Variants in MARCHF10 observed in about 807,000 individuals in gnomAD.
MARCHF10 encodes membrane associated ring-CH-type finger 10, also known as probable E3 ubiquitin-protein ligase MARCHF10.
MARCHF10 carries 64 observed loss-of-function variants against 76.2 expected under a neutral mutation model. That is an observed-to-expected ratio of 0.84 (90% CI 0.69 to 1.03). The LOEUF is 1.03. MARCHF10 is among the 50% of genes least tolerant of loss of function. MARCHF10 has a pLI of 0.00. For synonymous variants in MARCHF10, 340 were observed against 357.5 expected, an observed-to-expected ratio of 0.95 and a Z score of 0.55; for missense variants, 875 against 958.0, an observed-to-expected ratio of 0.91 and a Z score of 1.14.
chr17:62,743,027 C>G (rs2147854241), intron 5 of MARCHF10, among the ~76,000 whole-genome samples: 1 of 152,290 alleles, frequency 6.6e-6, no homozygotes, highest in Admixed American at 6.5e-5. Flanking sequence ...TGGACTTATT[C>G]TGTGCTGGGT....
chr17:62,763,814 T>C (rs1222345226), intron 3 of MARCHF10, among the ~76,000 whole-genome samples: 213 of 152,352 alleles, frequency 1.4e-3, no homozygotes, highest in Non-Finnish European at 1.0e-4. Context: ...CAAAGCCATG[T>C]TAACTAAAAT....
intron 10 of MARCHF10, among the ~76,000 whole-genome samples, chr17:62,703,676 G>A (rs1394307096): frequency 6.6e-6 from 1 of 152,222 alleles, no homozygotes; most frequent in Non-Finnish European, 1.5e-5. Context: ...ATCCTCCAGC[G>A]GGTCCCAGTT....
chr17:62,778,781 G>A (rs1366737541), intron 3 of MARCHF10, among the ~76,000 whole-genome samples: 2 of 152,040 alleles, frequency 1.3e-5, no homozygotes, highest in East Asian at 3.9e-4. Flanking sequence ...GAGACAGTCA[G>A]GTTTCAGTGT....
chr17:62,704,709 G>A (rs527473481), intron 10 of MARCHF10, among the ~76,000 whole-genome samples: 1 of 152,378 alleles, frequency 6.6e-6, no homozygotes, highest in Non-Finnish European at 1.5e-5. Context: ...GCGGGGCCCA[G>A]GAAACCGAGT....
intron 3 of MARCHF10, among the ~76,000 whole-genome samples, chr17:62,762,704 C>A (rs1175348328): frequency 6.6e-6 from 1 of 152,186 alleles, no homozygotes; most frequent in Non-Finnish European, 1.5e-5. Flanking sequence ...ACGCACCATG[C>A]CTGGCTAATT....
At chr17:62,725,212 A>T in intron 6 of MARCHF10, 108 bp from the exon 7 acceptor site, 1 of 964,814 alleles carries the variant, frequency 1.0e-6, no homozygotes, top group Non-Finnish European at 1.5e-6. Context: ...CCTGGTACTC[A>T]CCCGCTGCCC....
Position 62,711,419 on chromosome 17 carries a change from A to G in MARCHF10, c.2215-75T>C. On this transcript the variant is annotated intron_variant, in intron 8 of 10. Transcript: ENST00000311269. This position sits in a 1 kb window ranked among gnomAD's most constrained non-coding sequence, Gnocchi z 4.4. ...TCTAAATTGTGGGATGCAGGGTAAC[A>G]AGGCTAAGAGGTGACAAGAACTGGG... 1 of 1,403,134 alleles carries G rather than the reference A, an allele frequency of 7.1e-7. No individual in the cohort carries two copies. Among genetic ancestry groups the G allele is most frequent in the Non-Finnish European group, 1.0e-6 (1 of 1,001,830 alleles). 86.9% of individuals were successfully genotyped at this position (1,403,134 alleles called of 1,614,324 possible).
In MARCHF10 at chr17:62,724,937, C is replaced by T. The variant is rs139886504; in HGVS notation, c.2104+1G>A. The T allele has an allele frequency of 6.2e-7, 1 of 1,611,438 alleles. No homozygotes were observed. The highest frequency in any genetic ancestry group is 1.3e-5 in the African/African-American group (1 of 74,840). On this transcript the variant is annotated splice_donor_variant, in intron 7 of 10. Coordinates refer to ENST00000311269, the MANE Select transcript of MARCHF10 (RefSeq NM_152598.4). LOFTEE classifies it high-confidence loss of function. Reference sequence around the variant, plus strand: ...TTCACTGCACTTCCTTCCCCACCTACCTGATGTTATTTTCACTTTCAGCCA... The same window carrying T: ...TTCACTGCACTTCCTTCCCCACCTATCTGATGTTATTTTCACTTTCAGCCA...
chr17:62,719,226 G>C (rs1456401541), intron 8 of MARCHF10, among the ~76,000 whole-genome samples: 1 of 152,102 alleles, frequency 6.6e-6, no homozygotes, highest in African/African-American at 2.4e-5. Flanking sequence ...CATTAAAGAA[G>C]TAAAAAGAAA....
chr17:62,772,037 A>G (rs2092458239), intron 3 of MARCHF10, among the ~76,000 whole-genome samples: 1 of 152,200 alleles, frequency 6.6e-6, no homozygotes. Context: ...TGAAATGGAA[A>G]GGACTTGGTG....
intron 2 of MARCHF10, among the ~76,000 whole-genome samples, chr17:62,792,409 A>C (rs73335787): frequency 0.02 from 3,051 of 152,120 alleles, 107 homozygotes; most frequent in African/African-American, 0.069. Context: ...AACATCAACA[A>C]GGCATACAGT....
intron 8 of MARCHF10, among the ~76,000 whole-genome samples, chr17:62,718,196 G>A (rs117921557): frequency 0.028 from 4,194 of 152,306 alleles, 77 homozygotes; most frequent in Non-Finnish European, 0.043. Flanking sequence ...AGAGAACTGA[G>A]GTGCAGAGAA....
intron 6 of MARCHF10, among the ~76,000 whole-genome samples, chr17:62,732,860 G>T (rs970463099): frequency 2.6e-5 from 4 of 151,742 alleles, no homozygotes; most frequent in South Asian, 4.2e-4. Flanking sequence ...GGGCGTGGTG[G>T]TGCACGCCTG....
chr17:62,701,894 G>A, intron 10 of MARCHF10, 136 bp from the exon 11 acceptor site: 1 of 1,148,876 alleles, frequency 8.7e-7, no homozygotes, highest in Non-Finnish European at 1.3e-6. Flanking sequence ...ACAGTGCCTG[G>A]AACCGTGTGG....
chr17:62,784,222 A>G (rs1201729502), intron 3 of MARCHF10, among the ~76,000 whole-genome samples: 1 of 152,162 alleles, frequency 6.6e-6, no homozygotes, highest in African/African-American at 2.4e-5. Context: ...GGTTCAACAT[A>G]GCAAATCAAT....
rs567763411 is a variant in MARCHF10, at chr17:62,702,646, A to G, written c.2372-888T>C. On this transcript the variant is annotated intron_variant, in intron 10 of 10. Transcript: ENST00000311269. ...GTGCCACTGCACTTCAGCCTGGGTG[A>G]CAGAGCGAGACTCCATCTCAAAAAG... 2.5e-3 allele frequency among the ~76,000 whole-genome samples: 387 copies of G among 152,284 alleles called. 3 individuals are homozygous for G. Among genetic ancestry groups the G allele is most frequent in the Middle Eastern group, 0.01 (3 of 294 alleles).
intron 5 of MARCHF10, among the ~76,000 whole-genome samples, chr17:62,742,834 A>G (rs1222895150): frequency 6.6e-6 from 1 of 151,708 alleles, no homozygotes; most frequent in Non-Finnish European, 1.5e-5. Context: ...GGGTTTCACC[A>G]TGTTGGCCAG....
intron 4 of MARCHF10, among the ~76,000 whole-genome samples, chr17:62,758,030 G>A (rs1481892086): frequency 2.0e-5 from 3 of 152,136 alleles, no homozygotes; most frequent in Non-Finnish European, 4.4e-5. Context: ...CGATGACAAG[G>A]CACACTATAC....
At chr17:62,788,390 TGGC>T in intron 3 of MARCHF10, 87 bp downstream of exon 3, 3 of 1,530,724 alleles carry the variant, frequency 2.0e-6, no homozygotes, top group Admixed American at 1.8e-5. Context: ...CTTTTTGAGT[TGGC>T]TTTTTCCTAC....
Sources: allele counts gnomAD v4.1 joint callset (sites outside exome capture counted in the v4.1 genomes callset), GRCh38; gene constraint gnomAD v4.1.1; non-coding constraint Gnocchi (gnomAD v3.1); transcripts MANE v1.5; gene names NCBI Gene and HGNC (gene_info 2026-07-23, HGNC 2026-07-21).